SND1: variants seen among roughly 807,000 people sequenced by gnomAD.
SND1 encodes staphylococcal nuclease domain-containing protein 1.
Under a neutral mutation model 121.7 loss-of-function variants are expected in SND1, and 38 were observed. That is an observed-to-expected ratio of 0.31 (90% CI 0.24 to 0.41). The LOEUF (loss-of-function observed/expected upper bound fraction) is 0.41, where lower values mean the gene tolerates loss of function less well. Among genes scored for constraint, SND1 ranks in the 10% least tolerant of loss-of-function variants. The pLI is 1.00. For missense variants in SND1, 868 were observed against 1,184.6 expected (o/e 0.73, Z 3.92); for synonymous variants, 401 against 447.4 (o/e 0.90, Z 1.31).
At position 127,840,050 on chromosome 7, in the gene SND1, A is replaced by C. The variant is rs547152393; in HGVS notation, c.1243-4274A>C. Among the ~76,000 whole-genome samples, 7 of 152,346 alleles carry C rather than the reference A, an allele frequency of 4.6e-5. No homozygotes were observed. The East Asian group carries it at 1.3e-3, about 29-fold the overall frequency. On this transcript the variant is annotated intron_variant, in intron 11 of 23. Transcript: ENST00000354725. ...AAGATTATTGATTATATATTTACTC[A>C]TGCAACAAACATTTACAGCGTAGTC... is the stretch of plus-strand genomic sequence containing the variant.
intron 16 of SND1, chr7:127,999,000 A>T (rs1025815572): frequency 6.6e-6 from 1 of 152,216 alleles, no homozygotes; most frequent in Non-Finnish European, 1.5e-5. Context: ...TCAAGCATAG[A>T]ATTGCATCCA....
intron 1 of SND1, among the ~76,000 whole-genome samples, chr7:127,671,393 CTG>C (rs1218154361): frequency 5.3e-5 from 8 of 152,236 alleles, no homozygotes; most frequent in African/African-American, 1.9e-4. Context: ...GTTGCAAACA[CTG>C]TGAATCTATT....
Position 127,847,926 on chromosome 7 carries a change from G to GT in SND1, c.1343+3505dup, listed in dbSNP as rs941352840. 1.8e-4 allele frequency among the ~76,000 whole-genome samples: 27 copies of GT among 152,272 alleles called. 1 individual carries two copies. The highest frequency in any genetic ancestry group is 6.0e-4 in the African/African-American group (25 of 41,534). On this transcript the variant is annotated intron_variant, in intron 12 of 23. Coordinates refer to ENST00000354725, the MANE Select transcript of SND1 (RefSeq NM_014390.4). ...GTGTGCAGAAGTGCTGGGAGGGTAG[G>GT]TTTAACTGGAGGACTTTAAACTTGG...
chr7:127,727,572 C>CTT (rs1478850642), intron 10 of SND1, among the ~76,000 whole-genome samples: 1 of 152,082 alleles, frequency 6.6e-6, no homozygotes, highest in Non-Finnish European at 1.5e-5. Context: ...TGATCTCCTG[C>CTT]TTGTTACTGG....
At chr7:127,744,382 G>T (rs1388562866) in intron 10 of SND1, among the ~76,000 whole-genome samples, 2 of 151,806 alleles carry the variant, frequency 1.3e-5, no homozygotes, top group East Asian at 1.9e-4. Flanking sequence ...TAAAAAGCAG[G>T]GTACTTTATA....
intron 16 of SND1, among the ~76,000 whole-genome samples, chr7:128,037,566 C>T (rs1395139308): frequency 6.6e-6 from 1 of 152,198 alleles, no homozygotes; most frequent in East Asian, 1.9e-4. Context: ...AGTCTCAGTA[C>T]AGAGCCCAAA....
intron 12 of SND1, among the ~76,000 whole-genome samples, chr7:127,871,248 C>T (rs756036140): frequency 2.0e-5 from 3 of 152,192 alleles, no homozygotes; most frequent in Non-Finnish European, 4.4e-5. Flanking sequence ...GGAAGGCATG[C>T]ACTCTAAAAT....
intron 16 of SND1, among the ~76,000 whole-genome samples, chr7:128,003,536 C>T (rs1802886673): frequency 6.6e-6 from 1 of 152,186 alleles, no homozygotes; most frequent in African/African-American, 2.4e-5. Flanking sequence ...CCCTCCATTC[C>T]CCACCAGCAG....
At chr7:128,048,768 A>G (rs1792996760) in intron 16 of SND1, among the ~76,000 whole-genome samples, 2 of 152,266 alleles carry the variant, frequency 1.3e-5, no homozygotes, top group South Asian at 4.2e-4. Flanking sequence ...TGCAGGGTAT[A>G]TGTGTATCAT....
chr7:127,996,654 C>T (rs927605457), intron 16 of SND1, among the ~76,000 whole-genome samples: 3 of 152,172 alleles, frequency 2.0e-5, no homozygotes, highest in Admixed American at 6.6e-5. Flanking sequence ...CTCTCCCTGA[C>T]GGCCATGTCG....
rs183650104 is a variant in SND1, at chr7:127,773,429, G to A, written c.1153-34055G>A. Among the ~76,000 whole-genome samples, 792 of 150,946 alleles carry A rather than the reference G, an allele frequency of 5.2e-3. 4 individuals carry two copies. The highest frequency in any genetic ancestry group is 0.017 in the Middle Eastern group (5 of 292). ...ATTGTGCCACTGCACTCTAGCCTGGGTGACACAGCAAGACTCCGTCTCAAA... is the reference window on the plus strand; with the variant it reads ...ATTGTGCCACTGCACTCTAGCCTGGATGACACAGCAAGACTCCGTCTCAAA... On this transcript the variant is annotated intron_variant, in intron 10 of 23. Transcript: ENST00000354725.
rs1383323829 is a variant in SND1, at chr7:128,029,005, C to T, written c.1779+37949C>T. On this transcript the variant is annotated intron_variant, in intron 16 of 23. Coordinates refer to ENST00000354725, the MANE Select transcript of SND1 (RefSeq NM_014390.4). The surrounding 1 kb of genome is among the most constrained non-coding windows in gnomAD (Gnocchi z 4.2). ...TGCCGCTTACGAAGTTTATAGAAGACAATCAACATGGCGGCAGCTAGCAGA... is the reference window on the plus strand; with the variant it reads ...TGCCGCTTACGAAGTTTATAGAAGATAATCAACATGGCGGCAGCTAGCAGA... 6 of 1,613,354 alleles carry T rather than the reference C, an allele frequency of 3.7e-6. No individual in the cohort carries two copies. The highest frequency in any genetic ancestry group is 1.7e-5 in the Admixed American group (1 of 59,876).
intron 11 of SND1, among the ~76,000 whole-genome samples, chr7:127,819,937 G>T (rs1242118504): frequency 6.6e-6 from 1 of 152,114 alleles, no homozygotes; most frequent in Non-Finnish European, 1.5e-5. Context: ...ATTGTTAAAG[G>T]CCTGTTTGCT....
At chr7:128,055,257 C>A (rs915878816) in intron 16 of SND1, among the ~76,000 whole-genome samples, 3 of 152,162 alleles carry the variant, frequency 2.0e-5, no homozygotes, top group Non-Finnish European at 4.4e-5. Flanking sequence ...TGCTCCTCCC[C>A]CTGGCAGCTC....
intron 15 of SND1, among the ~76,000 whole-genome samples, chr7:127,937,414 C>T (rs917604013): frequency 6.6e-6 from 1 of 151,758 alleles, no homozygotes; most frequent in African/African-American, 2.4e-5. Flanking sequence ...ATTTTTCTTT[C>T]CCTCCCCCTT....
At chr7:127,733,740 G>A (rs1796721712) in intron 10 of SND1, among the ~76,000 whole-genome samples, 1 of 152,272 alleles carries the variant, frequency 6.6e-6, no homozygotes, top group Non-Finnish European at 1.5e-5. Context: ...CATATATTTT[G>A]ATTGCACAGC....
chr7:127,726,079 A>G (rs1404781520), intron 10 of SND1, among the ~76,000 whole-genome samples: 1 of 152,152 alleles, frequency 6.6e-6, no homozygotes, highest in Non-Finnish European at 1.5e-5. Context: ...ATGGCTAACC[A>G]TATTTCTGCT....
intron 3 of SND1, among the ~76,000 whole-genome samples, chr7:127,698,551 C>T (rs1013413623): frequency 4.6e-5 from 7 of 152,124 alleles, no homozygotes; most frequent in African/African-American, 2.4e-5. Flanking sequence ...CCACTTTATA[C>T]TCTCTTGAGC....
At chr7:127,817,215 A>G (rs879804820) in intron 11 of SND1, among the ~76,000 whole-genome samples, 4 of 152,222 alleles carry the variant, frequency 2.6e-5, no homozygotes, top group Non-Finnish European at 5.9e-5. Flanking sequence ...TGGTAAGACA[A>G]CAGAAATGTA....
Sources: gnomAD v4.1 joint callset for allele counts (sites outside exome capture counted in the v4.1 genomes callset) on GRCh38, gnomAD v4.1.1 for gene constraint, Gnocchi (gnomAD v3.1) non-coding constraint, MANE v1.5 for transcripts, NCBI Gene and HGNC (gene_info 2026-07-23, HGNC 2026-07-21) for gene names.